Variants in TULP4 observed in about 807,000 individuals in gnomAD.
TULP4 encodes the protein TUB like protein 4.
A neutral mutation model predicts 129.0 loss-of-function variants in TULP4; 16 were observed. That is an observed-to-expected ratio of 0.12 (90% CI 0.08 to 0.19). The LOEUF is 0.19. Ranked by LOEUF, TULP4 falls within the 10% of genes least tolerant of loss-of-function variation. The probability of loss-of-function intolerance (pLI) is 1.00; values close to 1 mark genes in which losing one functional copy is unlikely to be tolerated. For missense variants in TULP4, 1,842 were observed against 2,059.1 expected, an observed-to-expected ratio of 0.89 and a Z score of 2.04; for synonymous variants, 998 against 854.0, an observed-to-expected ratio of 1.17 and a Z score of -2.94.
At chr6:158,347,553 C>G (rs546199734) in intron 1 of TULP4, among the ~76,000 whole-genome samples, 1 of 152,192 alleles carries the variant, frequency 6.6e-6, no homozygotes, top group Admixed American at 6.5e-5. Context: ...CTCTACTGGC[C>G]CCTTGACTCA....
intron 1 of TULP4, among the ~76,000 whole-genome samples, chr6:158,290,061 T>G (rs1289038367): frequency 6.6e-6 from 1 of 151,878 alleles, no homozygotes; most frequent in Non-Finnish European, 1.5e-5. Context: ...CTCAGTCTCT[T>G]GTGTAGCTGG....
chr6:158,365,864 G>A (rs964108147), intron 1 of TULP4, among the ~76,000 whole-genome samples: 19 of 141,712 alleles, frequency 1.3e-4, no homozygotes, highest in African/African-American at 4.7e-4. Flanking sequence ...GTTGAGTTTT[G>A]GTTCGTTTTT....
intron 2 of TULP4, among the ~76,000 whole-genome samples, chr6:158,415,488 T>G (rs2115016251): frequency 6.6e-6 from 1 of 151,354 alleles, no homozygotes; most frequent in East Asian, 1.9e-4. Context: ...TAGCTGGGAC[T>G]ACAGACACCC....
At chr6:158,419,628 T>C (rs1777418608) in intron 2 of TULP4, among the ~76,000 whole-genome samples, 1 of 152,108 alleles carries the variant, frequency 6.6e-6, no homozygotes, top group East Asian at 1.9e-4. Flanking sequence ...ATTTAAAGGA[T>C]GAGAAAGATG....
chr6:158,314,951 AGGCAT>A (rs1007826738), intron 1 of TULP4, among the ~76,000 whole-genome samples: 43 of 152,362 alleles, frequency 2.8e-4, no homozygotes, highest in Admixed American at 1.3e-3. Context: ...CTTAAGTGTT[AGGCAT>A]TGTGTTTTAA....
chr6:158,382,255 C>A (rs76901622), intron 1 of TULP4, among the ~76,000 whole-genome samples: 1 of 152,184 alleles, frequency 6.6e-6, no homozygotes, highest in Non-Finnish European at 1.5e-5. Flanking sequence ...CTGTATCTGT[C>A]TATTTTGTTT....
At chr6:158,381,848 A>C (rs1381758606) in intron 1 of TULP4, among the ~76,000 whole-genome samples, 1 of 152,194 alleles carries the variant, frequency 6.6e-6, no homozygotes, top group East Asian at 1.9e-4. Flanking sequence ...ATTTTCTCTT[A>C]ATCATTTGTG....
intron 1 of TULP4, among the ~76,000 whole-genome samples, chr6:158,390,381 A>C (rs1224567293): frequency 6.6e-6 from 1 of 152,018 alleles, no homozygotes; most frequent in African/African-American, 2.4e-5. Flanking sequence ...AAAAAAAAAG[A>C]AAAAGAGTGT....
chr6:158,325,373 G>C (rs111255888), intron 1 of TULP4, among the ~76,000 whole-genome samples: 1 of 75,216 alleles, frequency 1.3e-5, no homozygotes, highest in Non-Finnish European at 2.8e-5. Flanking sequence ...TTTTTTTTCA[G>C]ACAGAGTCTT....
intron 1 of TULP4, among the ~76,000 whole-genome samples, chr6:158,400,129 T>G (rs920661109): frequency 3.9e-5 from 6 of 152,234 alleles, no homozygotes; most frequent in Non-Finnish European, 7.3e-5. Flanking sequence ...TATTGAGATT[T>G]ACCATTTTGA....
At chr6:158,319,302 A>T (rs1779569230) in intron 1 of TULP4, among the ~76,000 whole-genome samples, 1 of 152,194 alleles carries the variant, frequency 6.6e-6, no homozygotes, top group Admixed American at 6.5e-5. Context: ...AAGGATTCTC[A>T]ATCAGGGGTT....
chr6:158,387,161 G>A (rs1259243114), intron 1 of TULP4, among the ~76,000 whole-genome samples: 1 of 152,136 alleles, frequency 6.6e-6, no homozygotes, highest in Non-Finnish European at 1.5e-5. Flanking sequence ...CTGTAAGTGT[G>A]ATGGCTGTTT....
Position 158,502,896 on chromosome 6 carries a change from G to A in TULP4, c.3233G>A (p.Arg1078His), listed in dbSNP as rs367584122. Residue 1078 changes from arginine (R) to histidine (H), a missense_variant, in exon 13 of 14, where the codon CGC (arginine) becomes CAC (histidine). Arg to His is a conservative substitution (Grantham distance 29). Transcript: ENST00000367097. ...CTCCTGAGCCCACCCGACAGCGCCC[G>A]CGACCGCACCGACTACGTCAACTCG... Reference protein sequence around the residue: ...YSLLSPPDSARDRTDYVNSAF... With the variant: ...YSLLSPPDSAHDRTDYVNSAF... The A allele has an allele frequency of 5.0e-5, 81 of 1,613,812 alleles. No homozygotes were observed. Among genetic ancestry groups the A allele is most frequent in the Non-Finnish European group, 6.2e-5 (73 of 1,180,018 alleles).
At chr6:158,240,922 C>T (rs1407220137) in intron 1 of TULP4, among the ~76,000 whole-genome samples, 10 of 147,938 alleles carry the variant, frequency 6.8e-5, no homozygotes, top group South Asian at 2.2e-4. Context: ...GGGTGGCTGC[C>T]GGGCGGAGAG....
intron 3 of TULP4, among the ~76,000 whole-genome samples, chr6:158,431,376 C>G (rs1462933646): frequency 1.2e-4 from 19 of 152,172 alleles, no homozygotes; most frequent in Admixed American, 1.2e-3. Flanking sequence ...TCACATTCTT[C>G]CCTCGCCTAG....
At chr6:158,405,002 A>G (rs760020748) in intron 1 of TULP4, among the ~76,000 whole-genome samples, 4 of 152,180 alleles carry the variant, frequency 2.6e-5, no homozygotes, top group Admixed American at 6.5e-5. Context: ...AAAAAAGTCT[A>G]TGGAGAGAGT....
chr6:158,348,172 G>GTT (rs1294845534), intron 1 of TULP4, among the ~76,000 whole-genome samples: 21,659 of 56,166 alleles, frequency 0.39, 2,091 homozygotes, highest in Non-Finnish European at 0.44. Flanking sequence ...TTTTTTTTAA[G>GTT]GTTTTTTTTT....
At chr6:158,372,157 C>T (rs893338620) in intron 1 of TULP4, among the ~76,000 whole-genome samples, 62 of 40,886 alleles carry the variant, frequency 1.5e-3, no homozygotes, top group Admixed American at 2.5e-3. Flanking sequence ...CAATTCCATT[C>T]TATCTGCTTT....
chr6:158,234,617 T>TAA (rs2128440269), intron 1 of TULP4, among the ~76,000 whole-genome samples: 1 of 152,358 alleles, frequency 6.6e-6, no homozygotes, highest in South Asian at 2.1e-4. Flanking sequence ...AAAATGCATT[T>TAA]AAAAACTGAG....
Sources: gnomAD v4.1 joint callset for allele counts (sites outside exome capture counted in the v4.1 genomes callset) on GRCh38, gnomAD v4.1.1 for gene constraint, MANE v1.5 for transcripts, NCBI Gene and HGNC (gene_info 2026-07-23, HGNC 2026-07-21) for gene names.